WASHC4: variants seen among roughly 807,000 people sequenced by gnomAD.
WASHC4 encodes WASH complex subunit 7.
WASHC4 carries 86 observed loss-of-function variants against 166.6 expected under a neutral mutation model. The ratio of observed to expected loss-of-function variants is 0.52; its 90% CI spans 0.43 to 0.62. The LOEUF (loss-of-function observed/expected upper bound fraction) is 0.62, where lower values mean the gene tolerates loss of function less well. Ranked by LOEUF, WASHC4 falls within the 20% of genes least tolerant of loss-of-function variation. WASHC4 has a pLI of 0.00. For synonymous variants in WASHC4, 446 were observed against 451.6 expected (o/e 0.99, Z 0.16); for missense variants, 1,262 against 1,382.4 (o/e 0.91, Z 1.38).
At chr12:105,164,791 G>A (rs776615197) in intron 32 of WASHC4, 51 bp downstream of exon 32, 1 of 1,215,332 alleles carries the variant, frequency 8.2e-7, no homozygotes, top group Non-Finnish European at 1.2e-6. Context: ...TTTAGTAATA[G>A]ACAGTAATGC....
chr12:105,115,629 T>C (rs755048683), intron 5 of WASHC4, 32 bp from the exon 6 acceptor site: 1 of 1,545,330 alleles, frequency 6.5e-7, no homozygotes, highest in African/African-American at 1.4e-5. Flanking sequence ...ATTTAAAAAA[T>C]GAAATATGCT....
chr12:105,151,595 C>T (rs577368247), intron 25 of WASHC4, among the ~76,000 whole-genome samples: 22 of 152,128 alleles, frequency 1.4e-4, no homozygotes, highest in Admixed American at 1.0e-3. Flanking sequence ...GATTCTCCTG[C>T]CTCAGCCCCC....
chr12:105,107,943 G>C, intron 1 of WASHC4, 82 bp downstream of exon 1: 1 of 1,049,510 alleles, frequency 9.5e-7, no homozygotes, highest in Non-Finnish European at 1.4e-6. Context: ...GCTCCTGCGA[G>C]AGGGACGGCT....
chr12:105,140,163 G>T (rs758623220), intron 15 of WASHC4, 131 bp from the exon 16 acceptor site: 20 of 712,640 alleles, frequency 2.8e-5, no homozygotes, highest in East Asian at 1.4e-4. Context: ...GAGCCACCAC[G>T]CCAGGACTGT....
chr12:105,147,237 C>T, intron 24 of WASHC4, 91 bp downstream of exon 24: 1 of 788,700 alleles, frequency 1.3e-6, no homozygotes, highest in Admixed American at 1.8e-5. Context: ...GGTAAACATA[C>T]ACTACTAGTT....
chr12:105,141,958 C>G (rs900987012), intron 18 of WASHC4, among the ~76,000 whole-genome samples: 4 of 146,134 alleles, frequency 2.7e-5, no homozygotes, highest in Admixed American at 6.8e-5. Context: ...GAAATAGTCA[C>G]TTGGCAAAGA....
At chr12:105,120,018 G>A (rs1880575849) in intron 7 of WASHC4, among the ~76,000 whole-genome samples, 1 of 152,158 alleles carries the variant, frequency 6.6e-6, no homozygotes, top group Non-Finnish European at 1.5e-5. Context: ...GATAGCTTGA[G>A]CCCAGGAGTT....
intron 2 of WASHC4, 66 bp downstream of exon 2, chr12:105,111,330 A>AT: frequency 2.0e-6 from 2 of 1,025,206 alleles, no homozygotes; most frequent in Non-Finnish European, 2.8e-6. Context: ...TGAAAACATA[A>AT]TTTTTTAAAA....
At chr12:105,147,923 C>G in intron 24 of WASHC4, 1 of 973,442 alleles carries the variant, frequency 1.0e-6, no homozygotes, top group Non-Finnish European at 1.2e-6. Context: ...AAAAAACAAA[C>G]AAAAACGAAA....
Position 105,168,707 on chromosome 12 carries a change from C to A in WASHC4, c.*1776C>A, listed in dbSNP as rs1884933111. 1 of 151,806 alleles carries A rather than the reference C, an allele frequency of 6.6e-6. No individual in the cohort carries two copies. The allele number at this position is 151,806 out of a possible 1,614,324, so 9.4% of individuals were successfully genotyped here. A position where few individuals can be genotyped will look rare whatever the true frequency, so the allele number is the denominator to read the frequency against. On this transcript the variant is annotated 3_prime_UTR_variant, in exon 33 of 33. Coordinates refer to ENST00000332180, the MANE Select transcript of WASHC4 (RefSeq NM_015275.3). The stretch of plus-strand genomic sequence containing the variant: ...AGAAAATGACAGACAATTATTTTTC[C>A]TTTAGGTCAAAATAATGTCACTGCT...
chr12:105,140,267 C>T (rs1393303272), intron 15 of WASHC4, 27 bp from the exon 16 acceptor site: 1 of 1,542,514 alleles, frequency 6.5e-7, no homozygotes, highest in Non-Finnish European at 9.0e-7. Flanking sequence ...AGTTGATTGT[C>T]AGAAAATTAT....
At chr12:105,160,350 A>AT (rs931427003) in intron 29 of WASHC4, among the ~76,000 whole-genome samples, 3 of 150,564 alleles carry the variant, frequency 2.0e-5, no homozygotes, top group Admixed American at 6.6e-5. Context: ...TTATTGTTAA[A>AT]TTTTTTTTTT....
At chr12:105,110,016 T>A (rs1160548344) in intron 1 of WASHC4, among the ~76,000 whole-genome samples, 1 of 152,228 alleles carries the variant, frequency 6.6e-6, no homozygotes, top group East Asian at 1.9e-4. Context: ...CAGTCTTATA[T>A]GTAAGCTGTA....
intron 24 of WASHC4, chr12:105,148,557 A>G: frequency 5.1e-6 from 5 of 985,366 alleles, no homozygotes; most frequent in Non-Finnish European, 6.0e-6. Context: ...ATAGTTACCC[A>G]CTATTAAGAG....
At chr12:105,159,524 T>TA (rs1051581642) in intron 28 of WASHC4, among the ~76,000 whole-genome samples, 5 of 152,200 alleles carry the variant, frequency 3.3e-5, no homozygotes, top group South Asian at 2.1e-4. Flanking sequence ...ATTTCTTTCT[T>TA]ACAGTGGTGG....
intron 13 of WASHC4, among the ~76,000 whole-genome samples, chr12:105,130,978 C>G (rs1592870038): frequency 6.6e-6 from 1 of 152,202 alleles, no homozygotes; most frequent in Non-Finnish European, 1.5e-5. Context: ...TGAAATGCAA[C>G]TGACAATCCA....
intron 20 of WASHC4, among the ~76,000 whole-genome samples, chr12:105,144,084 T>C (rs1883092791): frequency 6.6e-6 from 1 of 152,026 alleles, no homozygotes; most frequent in South Asian, 2.1e-4. Context: ...ATGTTCCTTA[T>C]GATGGTACCA....
At chr12:105,122,037 T>C in intron 9 of WASHC4, 81 bp from the exon 10 acceptor site, 2 of 998,314 alleles carry the variant, frequency 2.0e-6, no homozygotes, top group East Asian at 2.7e-5. Flanking sequence ...ATATAAAATT[T>C]TGACTTCCAG....
chr12:105,129,163 C>T (rs1021860874), intron 13 of WASHC4, among the ~76,000 whole-genome samples: 4 of 152,262 alleles, frequency 2.6e-5, no homozygotes, highest in African/African-American at 7.2e-5. Flanking sequence ...TCAGGCTGGT[C>T]TCGAACTCCT....
Sources: allele counts gnomAD v4.1 joint callset (sites outside exome capture counted in the v4.1 genomes callset), GRCh38; gene constraint gnomAD v4.1.1; transcripts MANE v1.5; gene names NCBI Gene and HGNC (gene_info 2026-07-23, HGNC 2026-07-21).